OSBPL6: variants seen among roughly 807,000 people sequenced by gnomAD.
The protein encoded by OSBPL6 is oxysterol binding protein like 6.
In OSBPL6, 49 loss-of-function variants were observed where a neutral mutation model predicts 125.8. The observed-to-expected ratio is 0.39, with a 90% CI of 0.31 to 0.49. The LOEUF (loss-of-function observed/expected upper bound fraction) is 0.49, where lower values mean the gene tolerates loss of function less well. Among genes scored for constraint, OSBPL6 ranks in the 20% least tolerant of loss-of-function variants. The pLI, the probability that OSBPL6 is intolerant of heterozygous loss-of-function variation, is 0.88. For missense variants in OSBPL6, 986 were observed against 1,135.4 expected (o/e 0.87, Z 1.89); for synonymous variants, 394 against 391.8 (o/e 1.01, Z -0.07).
intron 2 of OSBPL6, among the ~76,000 whole-genome samples, chr2:178,296,402 T>C (rs1445018108): frequency 6.6e-6 from 1 of 152,096 alleles, no homozygotes; most frequent in African/African-American, 2.4e-5. Context: ...AGCTAGGAAA[T>C]GGCGGTGTTG....
intron 5 of OSBPL6, among the ~76,000 whole-genome samples, chr2:178,330,674 A>G (rs562481616): frequency 4.6e-5 from 7 of 152,212 alleles, no homozygotes; most frequent in Admixed American, 1.3e-4. Flanking sequence ...CCATCTTAGC[A>G]GCTAAGAGGT....
At chr2:178,246,099 C>T (rs549266852) in intron 1 of OSBPL6, among the ~76,000 whole-genome samples, 2 of 152,312 alleles carry the variant, frequency 1.3e-5, no homozygotes, top group East Asian at 1.9e-4. Flanking sequence ...TTACCACCTG[C>T]TCTCACCTAT....
chr2:178,330,325 A>C (rs535100677), intron 5 of OSBPL6, among the ~76,000 whole-genome samples: 1 of 152,350 alleles, frequency 6.6e-6, no homozygotes, highest in African/African-American at 2.4e-5. Context: ...GTTTGGCAGC[A>C]ACTTTCTAGA....
At chr2:178,287,916 A>G (rs533010912) in intron 2 of OSBPL6, among the ~76,000 whole-genome samples, 105 of 152,014 alleles carry the variant, frequency 6.9e-4, no homozygotes, top group African/African-American at 2.3e-3. Flanking sequence ...TGGGGGAAAA[A>G]TTGTAGGGAG....
chr2:178,276,371 G>GTTTT (rs71023438), intron 1 of OSBPL6, among the ~76,000 whole-genome samples: 8 of 122,754 alleles, frequency 6.5e-5, no homozygotes, highest in African/African-American at 1.6e-4. Flanking sequence ...ATTCTAAATG[G>GTTTT]TTTTTTTTTT....
At chr2:178,353,861 C>A (rs1691520472) in intron 12 of OSBPL6, among the ~76,000 whole-genome samples, 1 of 152,198 alleles carries the variant, frequency 6.6e-6, no homozygotes, top group Non-Finnish European at 1.5e-5. Flanking sequence ...GGGTTACCCA[C>A]AAAGGGAAGC....
At chr2:178,382,660 A>T (rs1559319538) in intron 16 of OSBPL6, 153 bp downstream of exon 16, 3 of 1,476,164 alleles carry the variant, frequency 2.0e-6, no homozygotes, top group South Asian at 2.6e-5. Context: ...ATTTTGTATG[A>T]TCTCTTGAGG....
At chr2:178,378,397 G>A (rs1280688515) in intron 15 of OSBPL6, among the ~76,000 whole-genome samples, 1 of 152,274 alleles carries the variant, frequency 6.6e-6, no homozygotes, top group Non-Finnish European at 1.5e-5. Flanking sequence ...GGCATTAGCT[G>A]TCTTACATTA....
At chr2:178,327,352 C>A (rs1476585152) in intron 4 of OSBPL6, among the ~76,000 whole-genome samples, 1 of 152,124 alleles carries the variant, frequency 6.6e-6, no homozygotes, top group Non-Finnish European at 1.5e-5. Flanking sequence ...ACTTCCAAAT[C>A]TAGCCAGAAA....
chr2:178,222,619 C>T (rs2090390449), intron 1 of OSBPL6, among the ~76,000 whole-genome samples: 1 of 152,064 alleles, frequency 6.6e-6, no homozygotes, highest in Admixed American at 6.6e-5. Flanking sequence ...TGCACTCCAG[C>T]CTGGGTGACA....
chr2:178,367,783 C>T (rs761839073), intron 13 of OSBPL6, among the ~76,000 whole-genome samples: 2 of 152,150 alleles, frequency 1.3e-5, no homozygotes, highest in Non-Finnish European at 2.9e-5. Flanking sequence ...TAGTGCAGTC[C>T]GAGCTCAGTA....
At chr2:178,325,577 AGTT>A (rs1688630321) in intron 4 of OSBPL6, among the ~76,000 whole-genome samples, 1 of 151,930 alleles carries the variant, frequency 6.6e-6, no homozygotes, top group African/African-American at 2.4e-5. Flanking sequence ...TCTCTCTTAT[AGTT>A]AGCTAAAGGA....
At chr2:178,337,942 G>A (rs1258602450) in intron 9 of OSBPL6, among the ~76,000 whole-genome samples, 1 of 121,588 alleles carries the variant, frequency 8.2e-6, no homozygotes, top group Non-Finnish European at 1.8e-5. Flanking sequence ...AAGTAACTCA[G>A]TATTCTCTTT....
At chr2:178,214,876 A>G (rs2090024254) in intron 1 of OSBPL6, among the ~76,000 whole-genome samples, 1 of 152,096 alleles carries the variant, frequency 6.6e-6, no homozygotes, top group Non-Finnish European at 1.5e-5. Context: ...GCTTGAGCCC[A>G]GGAGATCGAG....
At chr2:178,307,937 G>T (rs1441879681) in intron 3 of OSBPL6, among the ~76,000 whole-genome samples, 1 of 152,190 alleles carries the variant, frequency 6.6e-6, no homozygotes, top group Non-Finnish European at 1.5e-5. Flanking sequence ...TGAGACCCTG[G>T]TGTGCCGGAG....
Position 178,392,545 on chromosome 2 carries a change from A to T in OSBPL6, c.2573+7A>T, listed in dbSNP as rs1275919386. On this transcript the variant is annotated splice_region_variant and intron_variant, in intron 23 of 24. Transcript: ENST00000190611. ...GGTTCCGGCCAGATCAAAGGTGAGG[A>T]TGGCAGTGGTATTTAATATGCAGAC... 4 of 1,613,676 alleles carry T rather than the reference A, an allele frequency of 2.5e-6. No homozygotes were observed. The Admixed American group carries it at 6.7e-5, about 27-fold the overall frequency.
At chr2:178,237,346 T>TTTTTG (rs57395792) in intron 1 of OSBPL6, among the ~76,000 whole-genome samples, 95,606 of 150,850 alleles carry the variant, frequency 0.63, 32,444 homozygotes, top group African/African-American at 0.89. Context: ...TCAATTTGTT[T>TTTTTG]TTTTGTTTTG....
chr2:178,216,108 A>C (rs1459843547), intron 1 of OSBPL6, among the ~76,000 whole-genome samples: 1 of 152,200 alleles, frequency 6.6e-6, no homozygotes, highest in African/African-American at 2.4e-5. Flanking sequence ...TCTTTTTTAC[A>C]TCTTTCATCT....
At position 178,395,587 on chromosome 2, in the gene OSBPL6, T is replaced by C; in HGVS notation, c.*28T>C. ...TGGGAATGTAGAGCTAGCCAACATA[T>C]CACATTCTGAATGAATAAATAACTA... On this transcript the variant is annotated 3_prime_UTR_variant, in exon 25 of 25. Transcript: ENST00000190611. 6.8e-7 allele frequency: 1 copy of C among 1,461,072 alleles called. No individual in the cohort carries two copies. Among genetic ancestry groups the C allele is most frequent in the African/African-American group, 1.4e-5 (1 of 71,246 alleles). The allele number at this position is 1,461,072 out of a possible 1,614,324, so 90.5% of individuals were successfully genotyped here. A position where few individuals can be genotyped will look rare whatever the true frequency, so the allele number is the denominator to read the frequency against.
Sources: allele counts gnomAD v4.1 joint callset (sites outside exome capture counted in the v4.1 genomes callset), GRCh38; gene constraint gnomAD v4.1.1; transcripts MANE v1.5; gene names NCBI Gene and HGNC (gene_info 2026-07-23, HGNC 2026-07-21).